The following ZNF804A variants were observed in gnomAD, a reference collection of about 807,000 sequenced individuals.
ZNF804A encodes the protein zinc finger protein 804A.
A neutral mutation model predicts 16.5 loss-of-function variants in ZNF804A; 2 were observed. The ratio of observed to expected loss-of-function variants is 0.12; its 90% CI spans 0.05 to 0.38. ZNF804A has a LOEUF of 0.38. Among genes scored for constraint, ZNF804A ranks in the 10% least tolerant of loss-of-function variants. The probability of loss-of-function intolerance (pLI) is 0.99; values close to 1 mark genes in which losing one functional copy is unlikely to be tolerated. For synonymous variants in ZNF804A, 534 were observed against 489.6 expected (o/e 1.09, Z -1.20); for missense variants, 1,473 against 1,390.7 (o/e 1.06, Z -0.94).
chr2:184,903,597 A>G (rs1685219982), intron 2 of ZNF804A, among the ~76,000 whole-genome samples: 10 of 152,146 alleles, frequency 6.6e-5, no homozygotes, highest in Admixed American at 6.6e-4. Context: ...ACTGTAGTAT[A>G]AGAGTTTGTA....
chr2:184,906,631 T>C (rs1685279678), intron 2 of ZNF804A, among the ~76,000 whole-genome samples: 1 of 152,084 alleles, frequency 6.6e-6, no homozygotes, highest in Admixed American at 6.6e-5. Context: ...CTTTACTTTA[T>C]TCTCTGTGGT....
chr2:184,685,731 C>G (rs1471035003), intron 1 of ZNF804A, among the ~76,000 whole-genome samples: 1 of 152,150 alleles, frequency 6.6e-6, no homozygotes, highest in Non-Finnish European at 1.5e-5. Context: ...TGTTTTCATT[C>G]CAGGCCATGG....
chr2:184,635,939 A>T (rs1691688696), intron 1 of ZNF804A, among the ~76,000 whole-genome samples: 1 of 152,164 alleles, frequency 6.6e-6, no homozygotes, highest in African/African-American at 2.4e-5. Flanking sequence ...TAACAGTTTG[A>T]TTCTTAAATT....
At position 184,630,924 on chromosome 2, in the gene ZNF804A, G is replaced by A. The variant is rs368721271; in HGVS notation, c.111+31854G>A. 1.3e-3 allele frequency among the ~76,000 whole-genome samples: 200 copies of A among 152,134 alleles called. 1 individual carries two copies. Among genetic ancestry groups the A allele is most frequent in the African/African-American group, 4.7e-3 (196 of 41,526 alleles). On this transcript the variant is annotated intron_variant, in intron 1 of 3. Transcript: ENST00000302277. ...AATTGATTAAAAACTTGAAAGAGAA[G>A]TATTTTATGGTATTCTTCAGAGATT... is the stretch of plus-strand genomic sequence containing the variant.
intron 2 of ZNF804A, among the ~76,000 whole-genome samples, chr2:184,907,049 G>T (rs1474771679): frequency 1.3e-5 from 2 of 152,132 alleles, no homozygotes; most frequent in African/African-American, 4.8e-5. Context: ...CCAACAACAT[G>T]AGTAAGCTCA....
intron 1 of ZNF804A, among the ~76,000 whole-genome samples, chr2:184,653,521 A>G (rs891435328): frequency 1.7e-4 from 26 of 152,212 alleles, no homozygotes; most frequent in African/African-American, 6.3e-4. Context: ...AGAGCAGGAA[A>G]GAAAGGAAAG....
chr2:184,601,676 T>TA (rs1398661944), intron 1 of ZNF804A, among the ~76,000 whole-genome samples: 1 of 151,960 alleles, frequency 6.6e-6, no homozygotes, highest in African/African-American at 2.4e-5. Flanking sequence ...ATTTTGCCAT[T>TA]AAAAATCATC....
chr2:184,720,637 A>C (rs1228050252), intron 1 of ZNF804A, among the ~76,000 whole-genome samples: 8 of 152,200 alleles, frequency 5.3e-5, no homozygotes, highest in African/African-American at 9.6e-5. Context: ...GATGTCTTAT[A>C]ATCATGGATC....
At chr2:184,646,166 T>G (rs1474726851) in intron 1 of ZNF804A, among the ~76,000 whole-genome samples, 3 of 152,136 alleles carry the variant, frequency 2.0e-5, no homozygotes, top group Non-Finnish European at 4.4e-5. Flanking sequence ...ATTTAAATTT[T>G]GGGCCAGAGA....
chr2:184,859,838 C>T (rs1010545017), intron 1 of ZNF804A, among the ~76,000 whole-genome samples: 1 of 152,230 alleles, frequency 6.6e-6, no homozygotes, highest in Non-Finnish European at 1.5e-5. Flanking sequence ...AGTTGTCCTG[C>T]TGCCTAGGTC....
At chr2:184,735,949 T>C (rs1403106812) in intron 1 of ZNF804A, among the ~76,000 whole-genome samples, 1 of 152,222 alleles carries the variant, frequency 6.6e-6, no homozygotes, top group Non-Finnish European at 1.5e-5. Flanking sequence ...ATTGAGTAGA[T>C]GATTTATTTT....
At chr2:184,903,687 T>C (rs1278159220) in intron 2 of ZNF804A, among the ~76,000 whole-genome samples, 1 of 152,158 alleles carries the variant, frequency 6.6e-6, no homozygotes, top group Non-Finnish European at 1.5e-5. Flanking sequence ...TTTATAACTT[T>C]TTCAGATTTT....
At chr2:184,905,508 A>G (rs1383091169) in intron 2 of ZNF804A, among the ~76,000 whole-genome samples, 1 of 152,060 alleles carries the variant, frequency 6.6e-6, no homozygotes, top group African/African-American at 2.4e-5. Context: ...AGAGATTTGC[A>G]TGTGTCGCTT....
intron 1 of ZNF804A, among the ~76,000 whole-genome samples, chr2:184,674,103 T>G (rs1692383401): frequency 1.3e-5 from 2 of 152,274 alleles, no homozygotes; most frequent in East Asian, 3.9e-4. Context: ...GTTTTTTTAT[T>G]GTAAGAAACT....
chr2:184,650,524 C>G (rs11894278), intron 1 of ZNF804A, among the ~76,000 whole-genome samples: 1 of 152,034 alleles, frequency 6.6e-6, no homozygotes, highest in Non-Finnish European at 1.5e-5. Context: ...TAAGCTGTCT[C>G]ACTTCACGGA....
intron 1 of ZNF804A, among the ~76,000 whole-genome samples, chr2:184,681,050 G>A (rs987536390): frequency 3.3e-5 from 5 of 152,310 alleles, no homozygotes; most frequent in Middle Eastern, 3.4e-3. Context: ...TGGACCCCAC[G>A]CTCACTCGCT....
intron 1 of ZNF804A, among the ~76,000 whole-genome samples, chr2:184,672,670 C>CTT (rs568933187): frequency 6.8e-6 from 1 of 146,812 alleles, no homozygotes. Context: ...ACAAGAATGA[C>CTT]TTTTTTTTTT....
In ZNF804A at chr2:184,793,866, C is replaced by T. The variant is rs112203101; in HGVS notation, c.112-72503C>T. Among the ~76,000 whole-genome samples the T allele has an allele frequency of 6.7e-3, 1,018 of 152,258 alleles. 15 individuals are homozygous for T. The highest frequency in any genetic ancestry group is 0.023 in the African/African-American group (945 of 41,550). On this transcript the variant is annotated intron_variant, in intron 1 of 3. Coordinates refer to ENST00000302277, the MANE Select transcript of ZNF804A (RefSeq NM_194250.2). ...GTTACTTCACTTAGAATGATGGTTTCCATTCTTATCCAATTGGCTGCAAAT... is the reference window on the plus strand; with the variant it reads ...GTTACTTCACTTAGAATGATGGTTTTCATTCTTATCCAATTGGCTGCAAAT...
chr2:184,850,159 C>A (rs1313600815), intron 1 of ZNF804A, among the ~76,000 whole-genome samples: 1 of 151,556 alleles, frequency 6.6e-6, no homozygotes, highest in Non-Finnish European at 1.5e-5. Flanking sequence ...TTTGATAGCA[C>A]AACAGGATGA....
Sources: allele counts gnomAD v4.1 joint callset (sites outside exome capture counted in the v4.1 genomes callset), GRCh38; gene constraint gnomAD v4.1.1; transcripts MANE v1.5; gene names NCBI Gene and HGNC (gene_info 2026-07-23, HGNC 2026-07-21).